The following A2ML1 variants were observed in gnomAD, a reference collection of about 807,000 sequenced individuals.
A2ML1 encodes alpha-2-macroglobulin like 1, also known as alpha-2-macroglobulin-like protein 1.
Under a neutral mutation model 181.9 loss-of-function variants are expected in A2ML1, and 161 were observed. The observed-to-expected ratio is 0.89, with a 90% CI of 0.78 to 1.01. The LOEUF is 1.01. Among genes scored for constraint, A2ML1 ranks in the 50% least tolerant of loss-of-function variants. The pLI, the probability that A2ML1 is intolerant of heterozygous loss-of-function variation, is 0.00. For missense variants in A2ML1, 1,670 were observed against 1,768.1 expected, an observed-to-expected ratio of 0.94 and a Z score of 1.00; for synonymous variants, 663 against 666.8, an observed-to-expected ratio of 0.99 and a Z score of 0.09.
chr12:8,835,432 T>A, intron 5 of A2ML1, 75 bp from the exon 6 acceptor site: 1 of 1,587,248 alleles, frequency 6.3e-7, no homozygotes. Context: ...TGCCTTTTGC[T>A]TCTTTACCTG....
At chr12:8,837,304 G>A in intron 7 of A2ML1, 136 bp from the exon 8 acceptor site, 2 of 1,181,868 alleles carry the variant, frequency 1.7e-6, no homozygotes, top group South Asian at 2.6e-5. Context: ...ACAGGCGTGA[G>A]CCACTGCACT....
At chr12:8,874,133 A>G (rs1944720322) in intron 33 of A2ML1, among the ~76,000 whole-genome samples, 2 of 152,082 alleles carry the variant, frequency 1.3e-5, no homozygotes, top group South Asian at 4.1e-4. Context: ...CTTCTGCCTC[A>G]GCCTCCTGAG....
Position 8,864,419 on chromosome 12 carries a change from A to G in A2ML1, c.3717+411A>G, listed in dbSNP as rs1436332541. Among the ~76,000 whole-genome samples the G allele has an allele frequency of 4.0e-4, 5 of 12,642 alleles. 2 individuals are homozygous for G. The highest frequency in any genetic ancestry group is 4.2e-4 in the African/African-American group (5 of 11,922). The allele number at this position is 12,642 out of a possible 152,430, so 8.3% of individuals were successfully genotyped here. A position where few individuals can be genotyped will look rare whatever the true frequency, so the allele number is the denominator to read the frequency against. On this transcript the variant is annotated intron_variant, in intron 29 of 35. Coordinates refer to ENST00000299698, the MANE Select transcript of A2ML1 (RefSeq NM_144670.6). ...TCCCAGCTACTTAGGAGGCTGAGAC[A>G]GGAGAATCGCTTGAACCCAGGAGGC... is the stretch of plus-strand genomic sequence containing the variant.
Position 8,857,950 on chromosome 12 carries a change from A to G in A2ML1, c.3112A>G (p.Thr1038Ala). The change falls in exon 26 of 36, where the codon ACA becomes GCA. Residue 1038 changes from threonine to alanine, a missense_variant. By Grantham distance (58) the Thr-to-Ala change is moderately conservative (BLOSUM62 0). Coordinates refer to ENST00000299698, the MANE Select transcript of A2ML1 (RefSeq NM_144670.6). Reference protein sequence around the residue: ...ERDGNGNTWLTAFVTKCFGQA... With the variant: ...ERDGNGNTWLAAFVTKCFGQA... ...TTTTCCTCTTTACCCATGTAGGCTG[A>G]CAGCGTTTGTCACAAAATGCTTTGG... 6.2e-7 allele frequency: 1 copy of G among 1,614,076 alleles called. No homozygotes were observed. The highest frequency in any genetic ancestry group is 1.1e-5 in the South Asian group (1 of 91,066).
intron 5 of A2ML1, 50 bp downstream of exon 5, chr12:8,834,732 T>C: frequency 6.2e-7 from 1 of 1,611,130 alleles, no homozygotes; most frequent in Non-Finnish European, 8.5e-7. Context: ...AGAGGAAGAA[T>C]GAGAATTTGG....
intron 12 of A2ML1, chr12:8,845,175 G>C (rs757024344): frequency 1.8e-5 from 28 of 1,527,650 alleles, no homozygotes. Flanking sequence ...GTTATCTATG[G>C]TGAGGAACAA....
intron 4 of A2ML1, among the ~76,000 whole-genome samples, chr12:8,832,799 T>C (rs1943158959): frequency 1.3e-5 from 2 of 152,158 alleles, no homozygotes; most frequent in Non-Finnish European, 2.9e-5. Flanking sequence ...AGGTCTGATT[T>C]CTTTCACTGT....
rs1167762999 is a variant in A2ML1, at chr12:8,848,753, T to G, written c.1867T>G (p.Tyr623Asp). The change falls in exon 16 of 36, where the codon TAC becomes GAC. Residue 623 changes from tyrosine to aspartate, a missense_variant. Transcript: ENST00000299698. ...GATGTTTCCATTCTGGTATGGTCAC[T>G]ACCCCTATCAAGTGGCTGAGTATGA... ...YGMFPFWYGHYPYQVAEYDQC... is the reference protein window; with the variant it reads ...YGMFPFWYGHDPYQVAEYDQC... The G allele has an allele frequency of 6.2e-7, 1 of 1,613,752 alleles. No homozygotes were observed. Among genetic ancestry groups the G allele is most frequent in the Non-Finnish European group, 8.5e-7 (1 of 1,179,866 alleles).
chr12:8,857,204 G>A lies in A2ML1; in HGVS notation c.2889G>A (p.Leu963=). 2 of 1,612,820 alleles carry A rather than the reference G, an allele frequency of 1.2e-6. No homozygotes were observed. Among genetic ancestry groups the A allele is most frequent in the South Asian group, 2.2e-5 (2 of 91,026 alleles). Residue 963 remains leucine (L), a synonymous_variant, in exon 24 of 36, where the codon CTG becomes CTA. Transcript: ENST00000299698. Reference sequence around the variant, plus strand: ...CAGCCCTGCAGAACCTGGATGGTCTGGTGCAGATGCCCAGTGGCTGTGGCG... The same window carrying A: ...CAGCCCTGCAGAACCTGGATGGTCTAGTGCAGATGCCCAGTGGCTGTGGCG... ...MGTALQNLDG[L]VQMPSGCGEQ...
At position 8,865,898 on chromosome 12, in the gene A2ML1, G is replaced by C. The variant is rs116624991; in HGVS notation, c.3717+1890G>C. Among the ~76,000 whole-genome samples, 651 of 152,252 alleles carry C rather than the reference G, an allele frequency of 4.3e-3. 6 individuals are homozygous for C. Among genetic ancestry groups the C allele is most frequent in the African/African-American group, 0.015 (628 of 41,550 alleles). Reference sequence around the variant, plus strand: ...AAATAACTAAGAAAATATATTTCTTGTTCTCATGAAGATTATATTCTGATT... The same window carrying C: ...AAATAACTAAGAAAATATATTTCTTCTTCTCATGAAGATTATATTCTGATT... On this transcript the variant is annotated intron_variant, in intron 29 of 35. Transcript: ENST00000299698.
intron 4 of A2ML1, among the ~76,000 whole-genome samples, chr12:8,830,024 G>A (rs1943060325): frequency 6.6e-6 from 1 of 152,132 alleles, no homozygotes. Context: ...GTTCTTGAGA[G>A]ATGGTTATGC....
Position 8,836,356 on chromosome 12 carries a change from G to C in A2ML1, c.728+17G>C. The stretch of plus-strand genomic sequence containing the variant: ...TTGTTGTAGGTAAGAGCAGAAGCTT[G>C]GGATCTGGTGGAGATTAAAGATGCA... On this transcript the variant is annotated intron_variant, in intron 7 of 35. Coordinates refer to ENST00000299698, the MANE Select transcript of A2ML1 (RefSeq NM_144670.6). The C allele has an allele frequency of 6.2e-7, 1 of 1,602,414 alleles. No individual in the cohort carries two copies. Among genetic ancestry groups the C allele is most frequent in the Non-Finnish European group, 8.6e-7 (1 of 1,169,584 alleles).
rs1455152222 is a variant in A2ML1 at position 8,846,108 on chromosome 12, C to A, written c.1569C>A (p.Thr523=). The part of the protein sequence containing the change: ...GLKASFSLSL[T]FTSRLAPDPS... ...AAGCCTCCTTCTCTCTCTCACTGAC[C>A]TTCACTTCGAGACTGGCCCCTGATC... The change falls in exon 14 of 36, where the codon ACC becomes ACA. Residue 523 remains threonine, a synonymous_variant. Coordinates refer to ENST00000299698, the MANE Select transcript of A2ML1 (RefSeq NM_144670.6). 4 of 1,614,136 alleles carry A rather than the reference C, an allele frequency of 2.5e-6. No individual in the cohort carries two copies. Among genetic ancestry groups the A allele is most frequent in the Non-Finnish European group, 3.4e-6 (4 of 1,180,014 alleles).
chr12:8,866,927 T>TC (rs1465227030), intron 29 of A2ML1, among the ~76,000 whole-genome samples: 1 of 152,226 alleles, frequency 6.6e-6, no homozygotes, highest in African/African-American at 2.4e-5. Context: ...CATTTTTCTT[T>TC]CCCCTTGTAA....
chr12:8,838,500 T>C (rs1219807414), intron 9 of A2ML1, 50 bp downstream of exon 9: 3 of 1,460,334 alleles, frequency 2.1e-6, no homozygotes, highest in Non-Finnish European at 2.9e-6. Context: ...GAAAAAGGGC[T>C]GGTCCCAGGG....
At chr12:8,824,187 G>A (rs1942845873) in intron 3 of A2ML1, among the ~76,000 whole-genome samples, 1 of 142,080 alleles carries the variant, frequency 7.0e-6, no homozygotes. Context: ...AAATGGCTAA[G>A]AAAGCACTGA....
chr12:8,840,567 C>T (rs1943433260), intron 10 of A2ML1, among the ~76,000 whole-genome samples: 1 of 151,964 alleles, frequency 6.6e-6, no homozygotes. Context: ...ATTTTTAGAG[C>T]CTAAGGATTA....
chr12:8,863,018 A>G (rs188789919), intron 28 of A2ML1, among the ~76,000 whole-genome samples: 2 of 152,128 alleles, frequency 1.3e-5, no homozygotes, highest in Non-Finnish European at 2.9e-5. Context: ...CATGTTTCAT[A>G]TAGTTGGCCT....
chr12:8,836,295 G>A lies in A2ML1; in HGVS notation c.684G>A (p.Glu228=). ...KFKVEVVEPK[E]LSTVQESFLV... is the part of the protein sequence containing the mutation. The stretch of plus-strand genomic sequence containing the variant: ...AGGTGGAAGTGGTGGAACCCAAGGA[G>A]TTATCAACGGTGCAGGAATCTTTCT... Residue 228 remains glutamate, a synonymous_variant, in exon 7 of 36, where the codon GAG becomes GAA. Coordinates refer to ENST00000299698, the MANE Select transcript of A2ML1 (RefSeq NM_144670.6). The A allele has an allele frequency of 1.2e-6, 2 of 1,614,088 alleles. No homozygotes were observed.
Sources: allele counts gnomAD v4.1 joint callset (sites outside exome capture counted in the v4.1 genomes callset), GRCh38; gene constraint gnomAD v4.1.1; transcripts MANE v1.5; gene names NCBI Gene and HGNC (gene_info 2026-07-23, HGNC 2026-07-21).